The following GABBR1 variants were observed in gnomAD, a reference collection of about 807,000 sequenced individuals.
GABBR1 encodes GABA-B receptor, R1 subunit.
In GABBR1, 35 loss-of-function variants were observed where a neutral mutation model predicts 117.7. The ratio of observed to expected loss-of-function variants is 0.30; its 90% CI spans 0.23 to 0.39. GABBR1 has a LOEUF of 0.39. Ranked by LOEUF, GABBR1 falls within the 10% of genes least tolerant of loss-of-function variation. The probability of loss-of-function intolerance (pLI) is 1.00; values close to 1 mark genes in which losing one functional copy is unlikely to be tolerated. For missense variants in GABBR1, 709 were observed against 1,241.8 expected, an observed-to-expected ratio of 0.57 and a Z score of 6.45; for synonymous variants, 442 against 486.6, an observed-to-expected ratio of 0.91 and a Z score of 1.21.
At position 29,631,715 on chromosome 6, in the gene GABBR1, G is replaced by A; in HGVS notation, c.86-116C>T. ...GTGGTCTGTGGGCAGGCTGGGGACA[G>A]AGGAAGAGGGATGGGGCACTAGAGG... On this transcript the variant is annotated intron_variant, in intron 2 of 22. Coordinates refer to ENST00000377034, the MANE Select transcript of GABBR1 (RefSeq NM_001470.4). This position sits in a 1 kb window ranked among gnomAD's most constrained non-coding sequence, Gnocchi z 5.9. 1.2e-6 allele frequency: 1 copy of A among 825,436 alleles called. No individual in the cohort carries two copies. Among genetic ancestry groups the A allele is most frequent in the South Asian group, 1.5e-5 (1 of 65,212 alleles). 51.1% of individuals were successfully genotyped at this position (825,436 alleles called of 1,614,324 possible). A position where few individuals can be genotyped will look rare whatever the true frequency, so the allele number is the denominator to read the frequency against.
rs1763665591 is a variant in GABBR1, at chr6:29,620,757, G to GTTT, written c.1323+343_1323+344insAAA. 6.6e-6 allele frequency among the ~76,000 whole-genome samples: 1 copy of GTTT among 152,088 alleles called. No individual in the cohort carries two copies. The highest frequency in any genetic ancestry group is 2.4e-5 in the African/African-American group (1 of 41,394). ...TGCCCAGACACAGTGCTCCTGTAAAGGTGTGCTTGAGTATACAAGCATCCA... is the reference window on the plus strand; with the variant it reads ...TGCCCAGACACAGTGCTCCTGTAAAGTTTGTGTGCTTGAGTATACAAGCATCCA... On this transcript the variant is annotated intron_variant, in intron 11 of 22. Transcript: ENST00000377034. The surrounding 1 kb of genome is among the most constrained non-coding windows in gnomAD (Gnocchi z 4.5).
At chr6:29,618,764 G>A (rs543298122) in intron 11 of GABBR1, among the ~76,000 whole-genome samples, 1 of 152,228 alleles carries the variant, frequency 6.6e-6, no homozygotes, top group South Asian at 2.1e-4. Flanking sequence ...CTAAACTAGG[G>A]TTTCTCATTC....
In GABBR1 at chr6:29,603,305, A is replaced by G. The variant is rs1761573034; in HGVS notation, c.*238T>C. 1 of 690,406 alleles carries G rather than the reference A, an allele frequency of 1.4e-6. No individual in the cohort carries two copies. Among genetic ancestry groups the G allele is most frequent in the African/African-American group, 1.8e-5 (1 of 57,056 alleles). 42.8% of individuals were successfully genotyped at this position (690,406 alleles called of 1,614,324 possible). Reference sequence around the variant, plus strand: ...CAGCTTCAAGCCAGGTACGAACTAAATTGTGAAGAGGTGATACAAAATTAC... The same window carrying G: ...CAGCTTCAAGCCAGGTACGAACTAAGTTGTGAAGAGGTGATACAAAATTAC... On this transcript the variant is annotated 3_prime_UTR_variant, in exon 23 of 23. Transcript: ENST00000377034.
At position 29,632,338 on chromosome 6, in the gene GABBR1, G is replaced by C; in HGVS notation, c.48C>G (p.Gly16=). 1 of 1,361,622 alleles carries C rather than the reference G, an allele frequency of 7.3e-7. No homozygotes were observed. Among genetic ancestry groups the C allele is most frequent in the Non-Finnish European group, 9.5e-7 (1 of 1,052,994 alleles). The allele number at this position is 1,361,622 out of a possible 1,614,324, so 84.3% of individuals were successfully genotyped here. ...CGTTGGGGGTCTGCGCCCCGCCCGC[G>C]CCCGGGGGGCGGAGGAAGAGTGGCG... ...LLAPLFLRPP[G]AGGAQTPNAT... Residue 16 remains glycine, a synonymous_variant, in exon 2 of 23, where the codon GGC becomes GGG. Transcript: ENST00000377034. The surrounding 1 kb of genome is among the most constrained non-coding windows in gnomAD (Gnocchi z 5.8).
chr6:29,620,195 C>T lies in GABBR1; in HGVS notation c.1323+906G>A, dbSNP rs1763601234. Among the ~76,000 whole-genome samples, 1 of 152,180 alleles carries T rather than the reference C, an allele frequency of 6.6e-6. No homozygotes were observed. The highest frequency in any genetic ancestry group is 1.5e-5 in the Non-Finnish European group (1 of 68,032). On this transcript the variant is annotated intron_variant, in intron 11 of 22. Coordinates refer to ENST00000377034, the MANE Select transcript of GABBR1 (RefSeq NM_001470.4). The surrounding 1 kb of genome is among the most constrained non-coding windows in gnomAD (Gnocchi z 4.5). ...CTCTGAGTCTCATTTTCCTGGTCTA[C>T]AAAATGTAGATAAGTCCACATCAGA...
intron 6 of GABBR1, among the ~76,000 whole-genome samples, chr6:29,625,078 G>A (rs764529953): frequency 6.6e-6 from 1 of 152,114 alleles, no homozygotes; most frequent in Non-Finnish European, 1.5e-5. Context: ...TTTGGGACAC[G>A]GTGGGAAGTT....
rs1288737653 is a variant in GABBR1, at chr6:29,605,692, A to T, written c.2316T>A (p.Ile772=). The change falls in exon 20 of 23, where the codon ATT becomes ATA. Residue 772 remains isoleucine (I), a synonymous_variant. Transcript: ENST00000377034. The surrounding 1 kb of genome is among the most constrained non-coding windows in gnomAD (Gnocchi z 4.2). ...GCAGCAGCCCCTTGTAACCATAGAA[A>T]ATGCCTAGGATGGCAGGAGAGAGTC... The part of the protein sequence containing the change: ...SSRKMNTWLG[I]FYGYKGLLLL... 2 of 1,612,320 alleles carry T rather than the reference A, an allele frequency of 1.2e-6. No individual in the cohort carries two copies. The highest frequency in any genetic ancestry group is 2.7e-5 in the African/African-American group (2 of 74,916).
chr6:29,617,608 A>G (rs951547582), intron 11 of GABBR1, among the ~76,000 whole-genome samples: 6 of 152,152 alleles, frequency 3.9e-5, no homozygotes, highest in African/African-American at 7.2e-5. Flanking sequence ...CCTCAAGTCC[A>G]TATTTCTAAC....
rs12525400 is a variant in GABBR1 at position 29,604,383 on chromosome 6, T to C, written c.2712+111A>G. 89,856 of 1,370,770 alleles carry C rather than the reference T, an allele frequency of 0.066. 3,569 individuals carry two copies. The highest frequency in any genetic ancestry group is 0.15 in the South Asian group (11,697 of 80,558). The allele number at this position is 1,370,770 out of a possible 1,614,324, so 84.9% of individuals were successfully genotyped here. A position where few individuals can be genotyped will look rare whatever the true frequency, so the allele number is the denominator to read the frequency against. On this transcript the variant is annotated intron_variant, in intron 22 of 22. Transcript: ENST00000377034. The surrounding 1 kb of genome is among the most constrained non-coding windows in gnomAD (Gnocchi z 5.3). ...GTTGTCTCCTAGGACCCTCCCTCCATGAGCCAAGAACATCTGACCCTGTAT... is the reference window on the plus strand; with the variant it reads ...GTTGTCTCCTAGGACCCTCCCTCCACGAGCCAAGAACATCTGACCCTGTAT...
chr6:29,632,594 G>T lies in GABBR1; in HGVS notation c.1-209C>A. On this transcript the variant is annotated intron_variant, in intron 1 of 22. Coordinates refer to ENST00000377034, the MANE Select transcript of GABBR1 (RefSeq NM_001470.4). This position sits in a 1 kb window ranked among gnomAD's most constrained non-coding sequence, Gnocchi z 5.8. ...GAAAGCCTGTCCCCACCCTCCTCCT[G>T]CCTCCCTCGGCCCCCAACCCTCCCG... 1.8e-6 allele frequency: 2 copies of T among 1,106,918 alleles called. No homozygotes were observed. The highest frequency in any genetic ancestry group is 2.5e-6 in the Non-Finnish European group (2 of 805,238). The allele number at this position is 1,106,918 out of a possible 1,614,324, so 68.6% of individuals were successfully genotyped here.
chr6:29,606,737 A>G lies in GABBR1; in HGVS notation c.2217+160T>C. The G allele has an allele frequency of 1.5e-6, 1 of 671,222 alleles. No homozygotes were observed. 41.6% of individuals were successfully genotyped at this position (671,222 alleles called of 1,614,324 possible). On this transcript the variant is annotated intron_variant, in intron 18 of 22. Transcript: ENST00000377034. This position sits in a 1 kb window ranked among gnomAD's most constrained non-coding sequence, Gnocchi z 4.5. Reference sequence around the variant, plus strand: ...TTTCTTCAGCTGAATCTGGAGGCCTATGAGGGGCTCCTTCTAGGAAGGAAA... The same window carrying G: ...TTTCTTCAGCTGAATCTGGAGGCCTGTGAGGGGCTCCTTCTAGGAAGGAAA...
At chr6:29,616,805 C>A (rs1353371099) in intron 11 of GABBR1, among the ~76,000 whole-genome samples, 1 of 149,118 alleles carries the variant, frequency 6.7e-6, no homozygotes, top group Non-Finnish European at 1.5e-5. Flanking sequence ...AGCGATTGTA[C>A]CACTGCACTC....
rs1314733083 is a variant in GABBR1 at position 29,631,643 on chromosome 6, A to C, written c.86-44T>G. The stretch of plus-strand genomic sequence containing the variant: ...AGGCATACAGAGAGGAATGGTGGGA[A>C]AGAGGAAAAGGCAGGCTCCCCAGTG... On this transcript the variant is annotated intron_variant, in intron 2 of 22. Transcript: ENST00000377034. This position sits in a 1 kb window ranked among gnomAD's most constrained non-coding sequence, Gnocchi z 5.9. 6.3e-7 allele frequency: 1 copy of C among 1,576,266 alleles called. No homozygotes were observed. Among genetic ancestry groups the C allele is most frequent in the Non-Finnish European group, 8.7e-7 (1 of 1,146,004 alleles).
chr6:29,603,512 C>G lies in GABBR1; in HGVS notation c.*31G>C. 1 of 1,534,230 alleles carries G rather than the reference C, an allele frequency of 6.5e-7. No individual in the cohort carries two copies. Among genetic ancestry groups the G allele is most frequent in the Non-Finnish European group, 8.8e-7 (1 of 1,136,218 alleles). On this transcript the variant is annotated 3_prime_UTR_variant, in exon 23 of 23. Transcript: ENST00000377034. ...GCCCTTCCCCTCTCCCTTTCCCTCCCCCTACTGGCCTGTCCTCCCTCACCC... is the reference window on the plus strand; with the variant it reads ...GCCCTTCCCCTCTCCCTTTCCCTCCGCCTACTGGCCTGTCCTCCCTCACCC...
intron 6 of GABBR1, among the ~76,000 whole-genome samples, chr6:29,626,871 A>G (rs779979151): frequency 5.3e-5 from 8 of 152,074 alleles, no homozygotes; most frequent in Non-Finnish European, 1.2e-4. Context: ...GCCTTCCCCA[A>G]TCACCATATG....
At position 29,603,266 on chromosome 6, in the gene GABBR1, G is replaced by C; in HGVS notation, c.*277C>G. ...GCAGTGAGGCTGCTGAGGAGGCAGCGTGTGAGCAGTGAGCAGCTTCAAGCC... is the reference window on the plus strand; with the variant it reads ...GCAGTGAGGCTGCTGAGGAGGCAGCCTGTGAGCAGTGAGCAGCTTCAAGCC... On this transcript the variant is annotated 3_prime_UTR_variant, in exon 23 of 23. Coordinates refer to ENST00000377034, the MANE Select transcript of GABBR1 (RefSeq NM_001470.4). The C allele has an allele frequency of 1.6e-6, 1 of 634,590 alleles. No homozygotes were observed. The highest frequency in any genetic ancestry group is 1.5e-5 in the South Asian group (1 of 66,164). The allele number at this position is 634,590 out of a possible 1,614,324, so 39.3% of individuals were successfully genotyped here.
intron 5 of GABBR1, among the ~76,000 whole-genome samples, chr6:29,628,884 G>C (rs1333072245): frequency 6.6e-6 from 1 of 151,774 alleles, no homozygotes; most frequent in South Asian, 2.1e-4. Context: ...CAGGGACAAG[G>C]AGAGACCGCA....
At position 29,605,754 on chromosome 6, in the gene GABBR1, T is replaced by A. The variant is rs1298568773; in HGVS notation, c.2312-58A>T. The A allele has an allele frequency of 6.3e-7, 1 of 1,587,364 alleles. No homozygotes were observed. Among genetic ancestry groups the A allele is most frequent in the Admixed American group, 1.7e-5 (1 of 59,190 alleles). ...AAGGACCACAATGCTCCTCACTCAA[T>A]CCCCATCCCCTCTCTGCCCTTCACC... On this transcript the variant is annotated intron_variant, in intron 19 of 22. Coordinates refer to ENST00000377034, the MANE Select transcript of GABBR1 (RefSeq NM_001470.4). This position sits in a 1 kb window ranked among gnomAD's most constrained non-coding sequence, Gnocchi z 4.2.
Position 29,629,077 on chromosome 6 carries a change from C to T in GABBR1, c.496+10G>A. On this transcript the variant is annotated intron_variant, in intron 5 of 22. Transcript: ENST00000377034. ...ATTGCAGTGCGCGCGGTAAGGGTTT[C>T]TCATCTCACCTGAGTGTGGCGTTCG... 8 of 1,612,904 alleles carry T rather than the reference C, an allele frequency of 5.0e-6. No homozygotes were observed. Among genetic ancestry groups the T allele is most frequent in the Non-Finnish European group, 6.8e-6 (8 of 1,179,980 alleles).
Sources: gnomAD v4.1 joint callset for allele counts (sites outside exome capture counted in the v4.1 genomes callset) on GRCh38, gnomAD v4.1.1 for gene constraint, Gnocchi (gnomAD v3.1) non-coding constraint, MANE v1.5 for transcripts, NCBI Gene and HGNC (gene_info 2026-07-23, HGNC 2026-07-21) for gene names.